DNER: variants seen among roughly 807,000 people sequenced by gnomAD.
The protein encoded by DNER is delta/notch like EGF repeat containing, also known as delta and Notch-like epidermal growth factor-related receptor.
Under a neutral mutation model 78.2 loss-of-function variants are expected in DNER, and 33 were observed. The observed-to-expected ratio is 0.42, with a 90% CI of 0.32 to 0.56. The LOEUF (loss-of-function observed/expected upper bound fraction) is 0.56. Among genes scored for constraint, DNER ranks in the 20% least tolerant of loss-of-function variants. DNER has a pLI of 0.11. For missense variants in DNER, 918 were observed against 975.3 expected, an observed-to-expected ratio of 0.94 and a Z score of 0.78; for synonymous variants, 417 against 384.8, an observed-to-expected ratio of 1.08 and a Z score of -0.98.
chr2:229,554,092 A>G (rs1273452762), intron 4 of DNER, among the ~76,000 whole-genome samples: 1 of 152,230 alleles, frequency 6.6e-6, no homozygotes, highest in Non-Finnish European at 1.5e-5. Context: ...ACAACTTTTT[A>G]TAATTATGCC....
intron 1 of DNER, among the ~76,000 whole-genome samples, chr2:229,660,531 C>G (rs1294190921): frequency 6.6e-6 from 1 of 152,082 alleles, no homozygotes; most frequent in East Asian, 1.9e-4. Context: ...AGAATTTTCT[C>G]TCTCTCATTT....
At chr2:229,409,187 C>T (rs76633817) in intron 9 of DNER, among the ~76,000 whole-genome samples, 8,339 of 152,200 alleles carry the variant, frequency 0.055, 311 homozygotes, top group Middle Eastern at 0.12. Context: ...ACACAAGTAG[C>T]CTGGGCTCAA....
chr2:229,698,855 A>G (rs1402934301), intron 1 of DNER, among the ~76,000 whole-genome samples: 1 of 152,198 alleles, frequency 6.6e-6, no homozygotes, highest in African/African-American at 2.4e-5. Context: ...GCTTTTCTAC[A>G]GAAATAAAAG....
At chr2:229,660,216 T>A (rs1698986112) in intron 1 of DNER, among the ~76,000 whole-genome samples, 1 of 152,182 alleles carries the variant, frequency 6.6e-6, no homozygotes, top group Non-Finnish European at 1.5e-5. Context: ...GATTATTTCA[T>A]CATGCAGGTA....
intron 11 of DNER, among the ~76,000 whole-genome samples, chr2:229,381,359 C>T (rs1451848626): frequency 6.6e-6 from 1 of 152,180 alleles, no homozygotes; most frequent in African/African-American, 2.4e-5. Context: ...TCTGGGCAGA[C>T]ACTGAGCTAG....
intron 6 of DNER, among the ~76,000 whole-genome samples, chr2:229,478,629 A>C (rs561686360): frequency 6.6e-6 from 1 of 152,200 alleles, no homozygotes; most frequent in Non-Finnish European, 1.5e-5. Context: ...TGTTTTTAAG[A>C]GGAATGCTGC....
chr2:229,686,243 T>A (rs1312403358), intron 1 of DNER, among the ~76,000 whole-genome samples: 1 of 152,142 alleles, frequency 6.6e-6, no homozygotes. Flanking sequence ...ATGGTGCCAC[T>A]GACTGTTCAT....
intron 5 of DNER, among the ~76,000 whole-genome samples, chr2:229,532,045 T>C (rs1037719212): frequency 2.0e-5 from 3 of 152,138 alleles, no homozygotes; most frequent in African/African-American, 7.2e-5. Context: ...GGCTTTATTT[T>C]GGGGGTGATG....
rs558383080 is a variant in DNER at position 229,508,725 on chromosome 2, C to T, written c.1147+4058G>A. Among the ~76,000 whole-genome samples, 8 of 149,124 alleles carry T rather than the reference C, an allele frequency of 5.4e-5. No individual in the cohort carries two copies. The East Asian group carries it at 1.4e-3, about 25-fold the overall frequency. ...TGAAACCCCGTCTCTACTAAAAATA[C>T]AAAAAATTAGCCGGGCGTGGTGGCA... On this transcript the variant is annotated intron_variant, in intron 6 of 12. Transcript: ENST00000341772.
chr2:229,549,329 G>A (rs985505438), intron 4 of DNER, among the ~76,000 whole-genome samples: 16 of 151,962 alleles, frequency 1.1e-4, no homozygotes, highest in Admixed American at 2.6e-4. Context: ...ATTTTTAGAC[G>A]GAGTCTCACT....
chr2:229,676,136 G>A (rs1472662771), intron 1 of DNER, among the ~76,000 whole-genome samples: 1 of 152,216 alleles, frequency 6.6e-6, no homozygotes, highest in Non-Finnish European at 1.5e-5. Context: ...GTAGAAGGGA[G>A]CTAATGATTC....
Position 229,592,841 on chromosome 2 carries a change from A to G in DNER, c.277-953T>C, listed in dbSNP as rs527387337. ...CCCCTGGCTTCTCAGGGCTGACTACAAAACAGAATTCAGTAGAGAATAAAT... is the reference window on the plus strand; with the variant it reads ...CCCCTGGCTTCTCAGGGCTGACTACGAAACAGAATTCAGTAGAGAATAAAT... On this transcript the variant is annotated intron_variant, in intron 1 of 12. Coordinates refer to ENST00000341772, the MANE Select transcript of DNER (RefSeq NM_139072.4). Among the ~76,000 whole-genome samples, 139 of 152,324 alleles carry G rather than the reference A, an allele frequency of 9.1e-4. 1 individual carries two copies. The highest frequency in any genetic ancestry group is 3.2e-3 in the African/African-American group (134 of 41,570).
intron 4 of DNER, among the ~76,000 whole-genome samples, chr2:229,571,190 T>G (rs1009192049): frequency 6.6e-6 from 1 of 152,054 alleles, no homozygotes. Flanking sequence ...AGTGTCCTTC[T>G]GATAAATAGA....
chr2:229,453,594 C>A (rs1056966789), intron 7 of DNER, among the ~76,000 whole-genome samples: 1 of 152,112 alleles, frequency 6.6e-6, no homozygotes, highest in Non-Finnish European at 1.5e-5. Flanking sequence ...CTTGTGAGCA[C>A]AAGAAAGAAG....
intron 10 of DNER, among the ~76,000 whole-genome samples, chr2:229,398,915 G>T (rs890651021): frequency 6.6e-6 from 1 of 151,726 alleles, no homozygotes; most frequent in Admixed American, 6.6e-5. Context: ...GAATAGAGAG[G>T]AACTTCCTCA....
intron 10 of DNER, among the ~76,000 whole-genome samples, chr2:229,394,205 A>G (rs1168866593): frequency 6.6e-6 from 1 of 152,192 alleles, no homozygotes; most frequent in Non-Finnish European, 1.5e-5. Context: ...GATACTTACC[A>G]TAAATCCTGC....
At chr2:229,532,210 A>C (rs1376215008) in intron 5 of DNER, among the ~76,000 whole-genome samples, 2 of 152,080 alleles carry the variant, frequency 1.3e-5, no homozygotes, top group Non-Finnish European at 2.9e-5. Context: ...CTTTTGCCTG[A>C]CATCACTCGC....
intron 8 of DNER, among the ~76,000 whole-genome samples, chr2:229,428,406 A>G (rs2106353882): frequency 6.6e-6 from 1 of 152,158 alleles, no homozygotes; most frequent in South Asian, 2.1e-4. Context: ...AGAAGGAAGG[A>G]GAGGTGGAAG....
intron 4 of DNER, among the ~76,000 whole-genome samples, chr2:229,580,705 GA>G (rs1240615027): frequency 6.6e-6 from 1 of 152,136 alleles, no homozygotes; most frequent in Non-Finnish European, 1.5e-5. Context: ...AAGTGTGCAG[GA>G]AAAAATCGGG....
Sources: allele counts gnomAD v4.1 joint callset (sites outside exome capture counted in the v4.1 genomes callset), GRCh38; gene constraint gnomAD v4.1.1; transcripts MANE v1.5; gene names NCBI Gene and HGNC (gene_info 2026-07-23, HGNC 2026-07-21).